Variants in SSH2 observed in about 807,000 individuals in gnomAD.
SSH2 encodes the protein protein phosphatase Slingshot homolog 2.
A neutral mutation model predicts 135.2 loss-of-function variants in SSH2; 37 were observed. The observed-to-expected ratio is 0.27, with a 90% CI of 0.21 to 0.36. The LOEUF is 0.36. SSH2 is among the 10% of genes least tolerant of loss of function. SSH2 has a pLI of 1.00. For synonymous variants in SSH2, 628 were observed against 646.2 expected, an observed-to-expected ratio of 0.97 and a Z score of 0.43; for missense variants, 1,408 against 1,765.3, an observed-to-expected ratio of 0.80 and a Z score of 3.63.
At chr17:29,712,336 CA>C (rs1160689455) in intron 3 of SSH2, among the ~76,000 whole-genome samples, 2 of 152,120 alleles carry the variant, frequency 1.3e-5, no homozygotes, top group Admixed American at 6.5e-5. Context: ...GAATGGGGGG[CA>C]GTTTTGCCCT....
chr17:29,727,907 G>A (rs1268661070), intron 3 of SSH2, among the ~76,000 whole-genome samples: 1 of 152,290 alleles, frequency 6.6e-6, no homozygotes, highest in Middle Eastern at 3.4e-3. Context: ...CAGGCCAGGC[G>A]CGATCGCTCA....
intron 11 of SSH2, among the ~76,000 whole-genome samples, chr17:29,659,484 C>A (rs1383631164): frequency 6.6e-6 from 1 of 152,152 alleles, no homozygotes; most frequent in Non-Finnish European, 1.5e-5. Flanking sequence ...TATTTTCTAT[C>A]TTTGAGCTAT....
At chr17:29,641,957 A>T (rs548731389) in intron 14 of SSH2, among the ~76,000 whole-genome samples, 4 of 145,026 alleles carry the variant, frequency 2.8e-5, no homozygotes, top group African/African-American at 2.5e-5. Flanking sequence ...TTTTTTTTTA[A>T]AAAAAGAGGG....
chr17:29,929,255 A>G (rs1027028065), intron 1 of SSH2: 1 of 152,704 alleles, frequency 6.5e-6, no homozygotes, highest in Non-Finnish European at 1.5e-5. Flanking sequence ...TAAGGCATAA[A>G]TATCTGTAAG....
rs556649092 is a variant in SSH2 at position 29,672,452 on chromosome 17, C to T, written c.615-323G>A. Among the ~76,000 whole-genome samples, 20 of 152,096 alleles carry T rather than the reference C, an allele frequency of 1.3e-4. No individual in the cohort carries two copies. In the South Asian group the frequency reaches 2.3e-3, roughly 17 times the overall value. ...ATAGTTGGGACCATGCAGTGACTGC[C>T]GTATCATTAGAAAACTAAAGATCTG... is the stretch of plus-strand genomic sequence containing the variant. On this transcript the variant is annotated intron_variant, in intron 8 of 15. Coordinates refer to ENST00000540801, the MANE Select transcript of SSH2 (RefSeq NM_001282129.2).
chr17:29,632,511 G>C lies in SSH2; in HGVS notation c.2683C>G (p.Arg895Gly). ...GAKWYPGSVR[R>G]ATLEFEERLR... Reference sequence around the variant, plus strand: ...CGCTCTTCGAACTCCAAGGTGGCTCGCCTCACAGACCCAGGGTACCACTTG... The same window carrying C: ...CGCTCTTCGAACTCCAAGGTGGCTCCCCTCACAGACCCAGGGTACCACTTG... Residue 895 changes from arginine to glycine, a missense_variant, in exon 16 of 16, where the codon CGA becomes GGA. Physicochemically the swap from Arg to Gly is moderately radical, Grantham distance 125. Transcript: ENST00000540801. The C allele has an allele frequency of 6.2e-7, 1 of 1,614,088 alleles. No individual in the cohort carries two copies. Among genetic ancestry groups the C allele is most frequent in the South Asian group, 1.1e-5 (1 of 91,076 alleles).
chr17:29,724,374 C>T (rs2039918298), intron 3 of SSH2, among the ~76,000 whole-genome samples: 1 of 151,734 alleles, frequency 6.6e-6, no homozygotes, highest in South Asian at 2.1e-4. Flanking sequence ...ACTAAAAATA[C>T]AAAATTAGCC....
At chr17:29,735,416 G>A (rs1724681298) in intron 3 of SSH2, among the ~76,000 whole-genome samples, 1 of 152,148 alleles carries the variant, frequency 6.6e-6, no homozygotes, top group South Asian at 2.1e-4. Context: ...ATACTACAGG[G>A]CCAGGTGCAG....
intron 3 of SSH2, among the ~76,000 whole-genome samples, chr17:29,708,408 C>T (rs766004338): frequency 2.0e-4 from 30 of 151,722 alleles, no homozygotes; most frequent in East Asian, 9.7e-4. Flanking sequence ...GCCAACATGG[C>T]GAAACCCCAT....
intron 11 of SSH2, among the ~76,000 whole-genome samples, chr17:29,664,442 T>A (rs2037188796): frequency 6.6e-6 from 1 of 152,054 alleles, no homozygotes; most frequent in African/African-American, 2.4e-5. Flanking sequence ...TCAGTCTTGA[T>A]GATTAAATAA....
chr17:29,910,556 A>G (rs981361752), intron 1 of SSH2, among the ~76,000 whole-genome samples: 4 of 152,216 alleles, frequency 2.6e-5, no homozygotes, highest in African/African-American at 9.6e-5. Context: ...TCAATAGTAT[A>G]AGATCTTCTT....
intron 1 of SSH2, among the ~76,000 whole-genome samples, chr17:29,888,319 A>AGAAAAAGCCTAAAATCAC: frequency 6.6e-6 from 1 of 152,318 alleles, no homozygotes; most frequent in Admixed American, 6.5e-5. Flanking sequence ...GATAGTGGTG[A>AGAAAAAGCCTAAAATCAC]GAAAAAGCCT....
intron 3 of SSH2, among the ~76,000 whole-genome samples, chr17:29,774,660 G>C (rs1414498244): frequency 6.6e-6 from 1 of 152,196 alleles, no homozygotes; most frequent in East Asian, 1.9e-4. Context: ...GGATAAGCAT[G>C]ATGGGCAAAA....
At chr17:29,921,066 G>GA (rs1332160298) in intron 1 of SSH2, among the ~76,000 whole-genome samples, 1 of 151,954 alleles carries the variant, frequency 6.6e-6, no homozygotes, top group Non-Finnish European at 1.5e-5. Context: ...GTAAATATTT[G>GA]AAAAAATGTT....
In SSH2 at chr17:29,670,647, G is replaced by A. The variant is rs190016629; in HGVS notation, c.809+1288C>T. Among the ~76,000 whole-genome samples, 54 of 152,246 alleles carry A rather than the reference G, an allele frequency of 3.5e-4. 1 individual carries two copies. The East Asian group carries it at 9.7e-3, about 27-fold the overall frequency. On this transcript the variant is annotated intron_variant, in intron 9 of 15. Coordinates refer to ENST00000540801, the MANE Select transcript of SSH2 (RefSeq NM_001282129.2). ...AAATTAGCTGGCCGTGGTGGCATGC[G>A]CCTGTAATCCCAGCTACTCGGGAGG... is the stretch of plus-strand genomic sequence containing the variant.
chr17:29,790,049 C>T (rs2042037088), intron 3 of SSH2, among the ~76,000 whole-genome samples: 1 of 152,060 alleles, frequency 6.6e-6, no homozygotes, highest in Admixed American at 6.5e-5. Flanking sequence ...CTTTAGGCTT[C>T]AGAACTGATG....
At chr17:29,855,527 C>T (rs577752100) in intron 1 of SSH2, among the ~76,000 whole-genome samples, 1 of 152,058 alleles carries the variant, frequency 6.6e-6, no homozygotes, top group South Asian at 2.1e-4. Context: ...GAAAAATATA[C>T]TATCAGACAT....
At chr17:29,660,207 T>G (rs1567852628) in intron 11 of SSH2, among the ~76,000 whole-genome samples, 1 of 152,036 alleles carries the variant, frequency 6.6e-6, no homozygotes, top group Non-Finnish European at 1.5e-5. Context: ...AGACTTAGGT[T>G]CAAGTTCTGA....
At chr17:29,867,290 G>A (rs909805455) in intron 1 of SSH2, among the ~76,000 whole-genome samples, 3 of 152,022 alleles carry the variant, frequency 2.0e-5, no homozygotes, top group Non-Finnish European at 4.4e-5. Flanking sequence ...TTACATATTA[G>A]TTTTACAGTC....
Sources: gnomAD v4.1 joint callset for allele counts (sites outside exome capture counted in the v4.1 genomes callset) on GRCh38, gnomAD v4.1.1 for gene constraint, MANE v1.5 for transcripts, NCBI Gene and HGNC (gene_info 2026-07-23, HGNC 2026-07-21) for gene names.